Variants in NUBPL observed in about 807,000 individuals in gnomAD.
The protein encoded by NUBPL is NUBP iron-sulfur cluster assembly factor, mitochondrial, also known as iron-sulfur cluster transfer protein NUBPL.
In NUBPL, 31 loss-of-function variants were observed where a neutral mutation model predicts 45.7. That is an observed-to-expected ratio of 0.68 (90% CI 0.51 to 0.92). The LOEUF is 0.92. Ranked by LOEUF, NUBPL falls within the 40% of genes least tolerant of loss-of-function variation. NUBPL has a pLI of 0.00. For missense variants in NUBPL, 401 were observed against 398.7 expected (o/e 1.01, Z -0.05); for synonymous variants, 144 against 140.9 (o/e 1.02, Z -0.15).
intron 10 of NUBPL, among the ~76,000 whole-genome samples, chr14:31,854,122 G>A (rs1391897404): frequency 6.6e-6 from 1 of 152,136 alleles, no homozygotes; most frequent in African/African-American, 2.4e-5. Context: ...AAATGACTGT[G>A]TATGATAAAT....
At chr14:31,771,697 A>G (rs1182005435) in intron 6 of NUBPL, 1 of 158,894 alleles carries the variant, frequency 6.3e-6, no homozygotes, top group Non-Finnish European at 1.3e-5. Context: ...GCTGATTTAC[A>G]GTGTTGTACA....
chr14:31,621,515 C>G (rs566390493), intron 4 of NUBPL, among the ~76,000 whole-genome samples: 2 of 152,264 alleles, frequency 1.3e-5, no homozygotes, highest in East Asian at 3.9e-4. Flanking sequence ...GGTACAGTCT[C>G]TCACCACTTC....
chr14:31,777,501 C>T (rs953201459), intron 6 of NUBPL, among the ~76,000 whole-genome samples: 6 of 152,196 alleles, frequency 3.9e-5, no homozygotes, highest in African/African-American at 9.7e-5. Context: ...TAGTGGGAGT[C>T]GCTTGCAGAC....
At chr14:31,609,816 GA>G (rs2034702891) in intron 4 of NUBPL, among the ~76,000 whole-genome samples, 1 of 152,092 alleles carries the variant, frequency 6.6e-6, no homozygotes, top group African/African-American at 2.4e-5. Flanking sequence ...GCTCCTGAAT[GA>G]CCTGTGGGCC....
intron 7 of NUBPL, among the ~76,000 whole-genome samples, chr14:31,815,377 A>G (rs919155794): frequency 2.6e-5 from 4 of 152,228 alleles, no homozygotes; most frequent in East Asian, 1.9e-4. Flanking sequence ...ATTTTTGCAC[A>G]TTGATTTTGT....
intron 6 of NUBPL, chr14:31,686,746 T>C (rs2036961687): frequency 6.6e-6 from 1 of 152,232 alleles, no homozygotes; most frequent in Non-Finnish European, 1.5e-5. Context: ...GGGGCCATGC[T>C]AATTTTCCCT....
chr14:31,632,313 G>A (rs756557315), intron 4 of NUBPL, among the ~76,000 whole-genome samples: 22 of 152,186 alleles, frequency 1.4e-4, no homozygotes, highest in Non-Finnish European at 2.8e-4. Context: ...GCCTTCGGAG[G>A]AACAATGACA....
chr14:31,806,711 A>G (rs1370738631), intron 7 of NUBPL, among the ~76,000 whole-genome samples: 1 of 152,016 alleles, frequency 6.6e-6, no homozygotes, highest in African/African-American at 2.4e-5. Context: ...CGTGTTGGTT[A>G]GCTGCACCCA....
chr14:31,758,009 A>G (rs1273659743), intron 6 of NUBPL, among the ~76,000 whole-genome samples: 1 of 152,108 alleles, frequency 6.6e-6, no homozygotes, highest in Non-Finnish European at 1.5e-5. Flanking sequence ...ATTTCTCGAT[A>G]TACAGGTCTT....
intron 8 of NUBPL, among the ~76,000 whole-genome samples, chr14:31,835,708 G>T (rs898090980): frequency 6.6e-6 from 1 of 151,242 alleles, no homozygotes; most frequent in African/African-American, 2.5e-5. Flanking sequence ...CCCATTCATT[G>T]TTCTTTCCAT....
chr14:31,807,945 T>G (rs1312608321), intron 7 of NUBPL, among the ~76,000 whole-genome samples: 1 of 152,226 alleles, frequency 6.6e-6, no homozygotes, highest in Admixed American at 6.5e-5. Context: ...ATGTGTGGTA[T>G]TATTTCTGAG....
In NUBPL at chr14:31,848,557, A is replaced by G. The variant is rs2040489165; in HGVS notation, c.815-1562A>G. 3.9e-5 allele frequency among the ~76,000 whole-genome samples: 6 copies of G among 151,982 alleles called. 1 individual carries two copies. In the South Asian group the frequency reaches 1.2e-3, roughly 32 times the overall value. ...AAGGTCTCAGACCATCTCACAGAAA[A>G]CCCTTTAACCTATTATATGTCTGAA... On this transcript the variant is annotated intron_variant, in intron 9 of 10. Transcript: ENST00000281081.
At chr14:31,636,170 G>A (rs1244742532) in intron 4 of NUBPL, among the ~76,000 whole-genome samples, 2 of 152,004 alleles carry the variant, frequency 1.3e-5, no homozygotes, top group African/African-American at 4.8e-5. Context: ...TCTTGTGTCC[G>A]TTTTCAAAGG....
rs570788577 is a variant in NUBPL at position 31,804,411 on chromosome 14, T to C, written c.607+16538T>C. ...TGAAAAGGAGCAGGATTTTAAAAGC[T>C]TCCCCAGATGATTCTTATTTAATCA... On this transcript the variant is annotated intron_variant, in intron 7 of 10. Transcript: ENST00000281081. Among the ~76,000 whole-genome samples the C allele has an allele frequency of 4.6e-5, 7 of 152,302 alleles. No homozygotes were observed. In the East Asian group the frequency reaches 1.3e-3, roughly 29 times the overall value.
At chr14:31,817,792 T>C (rs1595673700) in intron 7 of NUBPL, among the ~76,000 whole-genome samples, 1 of 152,262 alleles carries the variant, frequency 6.6e-6, no homozygotes, top group Admixed American at 6.5e-5. Flanking sequence ...AATGACAGCA[T>C]CAAATTCACA....
chr14:31,753,453 A>G (rs940999181), intron 6 of NUBPL, among the ~76,000 whole-genome samples: 9 of 152,118 alleles, frequency 5.9e-5, no homozygotes, highest in Non-Finnish European at 8.8e-5. Context: ...AGTATAGTAC[A>G]CAGTGTGGTA....
At chr14:31,751,918 A>G (rs957713334) in intron 6 of NUBPL, among the ~76,000 whole-genome samples, 23 of 152,206 alleles carry the variant, frequency 1.5e-4, no homozygotes, top group African/African-American at 5.1e-4. Context: ...GCCCAACTGC[A>G]TGGAGGCCAC....
intron 6 of NUBPL, among the ~76,000 whole-genome samples, chr14:31,724,224 A>G (rs2037871758): frequency 6.6e-6 from 1 of 152,202 alleles, no homozygotes; most frequent in Non-Finnish European, 1.5e-5. Flanking sequence ...AGAAACCAAC[A>G]GCCTGAAAAA....
intron 4 of NUBPL, among the ~76,000 whole-genome samples, chr14:31,650,409 C>T (rs1255610262): frequency 6.6e-6 from 1 of 151,710 alleles, no homozygotes; most frequent in Non-Finnish European, 1.5e-5. Flanking sequence ...CCTGCCTCAG[C>T]CTCCGAGGTA....
Sources: allele counts gnomAD v4.1 joint callset (sites outside exome capture counted in the v4.1 genomes callset), GRCh38; gene constraint gnomAD v4.1.1; transcripts MANE v1.5; gene names NCBI Gene and HGNC (gene_info 2026-07-23, HGNC 2026-07-21).